The following BAIAP2L2 variants were observed in gnomAD, a reference collection of about 807,000 sequenced individuals.
BAIAP2L2 encodes the protein BAR/IMD domain containing adaptor protein 2 like 2, also known as BAR/IMD domain-containing adapter protein 2-like 2.
A neutral mutation model predicts 60.4 loss-of-function variants in BAIAP2L2; 65 were observed. The observed-to-expected ratio is 1.08, with a 90% CI of 0.88 to 1.32. The LOEUF is 1.32. Among genes scored for constraint, BAIAP2L2 ranks in the 40% most tolerant of loss-of-function variants. The pLI is 0.00. For synonymous variants in BAIAP2L2, 344 were observed against 301.7 expected, an observed-to-expected ratio of 1.14 and a Z score of -1.45; for missense variants, 836 against 741.2, an observed-to-expected ratio of 1.13 and a Z score of -1.48.
rs1255197042 is a variant in BAIAP2L2, at chr22:38,110,582, C to T, written c.-57G>A. ...TGGGAGCTGGTGGCGATGGCACAGC[C>T]GGGAGCAGTGGTAGGTAGTCCCTCA... On this transcript the variant is annotated 5_prime_UTR_variant, in exon 1 of 14. Transcript: ENST00000381669. The T allele has an allele frequency of 2.5e-5, 37 of 1,486,742 alleles. No individual in the cohort carries two copies. The East Asian group carries it at 2.8e-4, about 11-fold the overall frequency. The allele number at this position is 1,486,742 out of a possible 1,614,324, so 92.1% of individuals were successfully genotyped here.
At position 38,089,172 on chromosome 22, in the gene BAIAP2L2, G is replaced by A. The variant is rs1317836600; in HGVS notation, c.825C>T (p.Tyr275=). Residue 275 remains tyrosine (Y), a synonymous_variant, in exon 9 of 14, where the codon TAC becomes TAT. Transcript: ENST00000381669. ...CGGGCCTCGCGTCGGGCTCGGTGCC[G>A]TAGGAGCCGGAGCCGTGCCGGCTGC... ...SPRSRHGSGS[Y]GTEPDARPAS... The A allele has an allele frequency of 4.5e-6, 6 of 1,327,828 alleles. No individual in the cohort carries two copies. The highest frequency in any genetic ancestry group is 2.7e-4 in the Middle Eastern group (1 of 3,750). 82.3% of individuals were successfully genotyped at this position (1,327,828 alleles called of 1,614,324 possible).
chr22:38,104,359 A>G (rs1431231606), intron 4 of BAIAP2L2, among the ~76,000 whole-genome samples: 2 of 152,222 alleles, frequency 1.3e-5, no homozygotes, highest in Non-Finnish European at 2.9e-5. Context: ...CCAGCTGAAC[A>G]TACTAGGAGA....
chr22:38,095,095 G>A (rs1158750668), intron 7 of BAIAP2L2, among the ~76,000 whole-genome samples: 1 of 152,134 alleles, frequency 6.6e-6, no homozygotes, highest in Non-Finnish European at 1.5e-5. Flanking sequence ...AGGTTGCAGG[G>A]AGCTGAGATT....
In BAIAP2L2 at chr22:38,086,455, T is replaced by C; in HGVS notation, c.1260-6A>G. The C allele has an allele frequency of 6.8e-7, 1 of 1,481,420 alleles. No homozygotes were observed. 91.8% of individuals were successfully genotyped at this position (1,481,420 alleles called of 1,614,324 possible). On this transcript the variant is annotated splice_region_variant and splice_polypyrimidine_tract_variant and intron_variant, in intron 11 of 13. Transcript: ENST00000381669. The stretch of plus-strand genomic sequence containing the variant: ...TGCCCCGGAGTGGGTAGGACCTAAG[T>C]CCAGAGAAAGGAGGGGGAAGGAAAG...
chr22:38,089,621 G>T lies in BAIAP2L2; in HGVS notation c.666C>A (p.Ala222=), dbSNP rs2086230707. The change falls in exon 8 of 14, where the codon GCC becomes GCA. Residue 222 remains alanine, a synonymous_variant. Transcript: ENST00000381669. ...RVLLWKEQSE[A]SRSPSRAHSP... ...AGTGGGCGCGCGACGGGCTGCGGCT[G>T]GCCTCAGACTGCTCCTTCCACAGCA... 2 of 1,233,384 alleles carry T rather than the reference G, an allele frequency of 1.6e-6. No homozygotes were observed. Among genetic ancestry groups the T allele is most frequent in the Non-Finnish European group, 2.0e-6 (2 of 989,358 alleles). The allele number at this position is 1,233,384 out of a possible 1,614,324, so 76.4% of individuals were successfully genotyped here.
In BAIAP2L2 at chr22:38,097,019, C is replaced by A. The variant is rs200685751; in HGVS notation, c.612+13G>T. 2.1e-4 allele frequency: 330 copies of A among 1,606,034 alleles called. No homozygotes were observed. The highest frequency in any genetic ancestry group is 1.5e-3 in the Middle Eastern group (9 of 6,048). On this transcript the variant is annotated intron_variant, in intron 7 of 13. Coordinates refer to ENST00000381669, the MANE Select transcript of BAIAP2L2 (RefSeq NM_025045.6). ...TAGAAGCGCCCCGCTTGCTGCCCCC[C>A]AGTCCAACTCACCCGGCCGAAGAAC...
In BAIAP2L2 at chr22:38,088,863, G is replaced by C. The variant is rs769089800; in HGVS notation, c.1003C>G (p.His335Asp). 1 of 1,594,968 alleles carries C rather than the reference G, an allele frequency of 6.3e-7. No individual in the cohort carries two copies. The highest frequency in any genetic ancestry group is 1.1e-5 in the South Asian group (1 of 90,158). Residue 335 changes from histidine to aspartate, a missense_variant, in exon 10 of 14, where the codon CAC becomes GAC. Physicochemically the swap from His to Asp is moderately conservative, Grantham distance 81 (BLOSUM62 -1). Transcript: ENST00000381669. ...AGCGTGTGGTTGGCGCCCTCCGAGT[G>C]GGAGACCAGGGCGCGGACTCTCCTG... ...GARRVRALVSHSEGANHTLLR... is the reference protein window; with the variant it reads ...GARRVRALVSDSEGANHTLLR...
chr22:38,108,216 G>A (rs2086707481), intron 3 of BAIAP2L2, 39 bp downstream of exon 3: 1 of 1,575,106 alleles, frequency 6.3e-7, no homozygotes, highest in South Asian at 1.1e-5. Flanking sequence ...GCAAAAGGAG[G>A]GCCCAAGAAT....
intron 2 of BAIAP2L2, 31 bp downstream of exon 2, chr22:38,109,102 C>T: frequency 6.3e-7 from 1 of 1,582,066 alleles, no homozygotes; most frequent in African/African-American, 1.4e-5. Flanking sequence ...AGGCCCAGGG[C>T]TGGGGCTCGG....
Position 38,097,034 on chromosome 22 carries a change from G to A in BAIAP2L2, c.610C>T (p.Arg204Trp), listed in dbSNP as rs370193273. The A allele has an allele frequency of 3.7e-6, 6 of 1,610,950 alleles. No homozygotes were observed. In the African/African-American group the frequency reaches 6.7e-5, roughly 18 times the overall value. The change falls in exon 7 of 14, where the codon CGG becomes TGG. Residue 204 changes from arginine to tryptophan, a missense_variant and splice_region_variant. By Grantham distance (101) the Arg-to-Trp change is moderately radical (BLOSUM62 -3). Coordinates refer to ENST00000381669, the MANE Select transcript of BAIAP2L2 (RefSeq NM_025045.6). ...LSNTFLQFFG[R>W]ARGMLQNRVL... ...TGCTGCCCCCCAGTCCAACTCACCC[G>A]GCCGAAGAACTGCAGGAAGGTGTTG...
In BAIAP2L2 at chr22:38,107,860, C is replaced by T. The variant is rs745384867; in HGVS notation, c.268G>A (p.Glu90Lys). 2.3e-5 allele frequency: 37 copies of T among 1,613,386 alleles called. No individual in the cohort carries two copies. The South Asian group carries it at 3.8e-4, about 17-fold the overall frequency. The change falls in exon 4 of 14, where the codon GAG (glutamate) becomes AAG (lysine). Residue 90 changes from glutamate (E) to lysine (K), a missense_variant. By Grantham distance (56) the Glu-to-Lys change is moderately conservative (BLOSUM62 1). Coordinates refer to ENST00000381669, the MANE Select transcript of BAIAP2L2 (RefSeq NM_025045.6). ...DTQRHLNSDL[E>K]VVVQTFHGGL... Reference sequence around the variant, plus strand: ...TGGGGCCTGATACTCACCACCACCTCCAGGTCAGAGTTCAAGTGCCGCTGG... The same window carrying T: ...TGGGGCCTGATACTCACCACCACCTTCAGGTCAGAGTTCAAGTGCCGCTGG...
intron 7 of BAIAP2L2, chr22:38,093,787 G>C (rs1422069873): frequency 9.7e-6 from 4 of 410,694 alleles, no homozygotes; most frequent in Non-Finnish European, 2.0e-5. Flanking sequence ...AAACGGTCTG[G>C]AAGTTCCACA....
chr22:38,097,906 C>A (rs1289991218), intron 6 of BAIAP2L2, among the ~76,000 whole-genome samples, 157 bp downstream of exon 6: 3 of 151,986 alleles, frequency 2.0e-5, no homozygotes, highest in Admixed American at 1.3e-4. Flanking sequence ...CCCACCCCAC[C>A]AGGGGCTGGC....
chr22:38,097,272 T>G (rs2086458839), intron 6 of BAIAP2L2, 94 bp from the exon 7 acceptor site: 1 of 1,430,920 alleles, frequency 7.0e-7, no homozygotes, highest in South Asian at 1.3e-5. Context: ...CCCCCTGTTC[T>G]TCCTGACTGC....
chr22:38,090,118 T>TTATTTTTTATTTTTA (rs745436945), intron 7 of BAIAP2L2: 2 of 123,086 alleles, frequency 1.6e-5, no homozygotes, highest in Non-Finnish European at 3.4e-5. Context: ...TTTTTTTTTT[T>TTATTTTTTATTTTTA]TTTTTTTTTT....
rs201660818 is a variant in BAIAP2L2 at position 38,085,305 on chromosome 22, G to A, written c.1585C>T (p.Arg529Cys). ...ITNDRSAPLIR is the reference protein window; with the variant it reads ...ITNDRSAPLIC Reference sequence around the variant, plus strand: ...GTACGACCTCGGACCCCGCCTCAGCGGATGAGGGGTGCTGAGCGGTCATTG... The same window carrying A: ...GTACGACCTCGGACCCCGCCTCAGCAGATGAGGGGTGCTGAGCGGTCATTG... Residue 529 changes from arginine to cysteine, a missense_variant, in exon 14 of 14, where the codon CGC becomes TGC. Physicochemically the swap from Arg to Cys is radical, Grantham distance 180. Coordinates refer to ENST00000381669, the MANE Select transcript of BAIAP2L2 (RefSeq NM_025045.6). 1.3e-4 allele frequency: 204 copies of A among 1,613,834 alleles called. No homozygotes were observed. The highest frequency in any genetic ancestry group is 1.6e-4 in the Non-Finnish European group (185 of 1,179,818).
intron 6 of BAIAP2L2, 54 bp downstream of exon 6, chr22:38,098,009 C>CCCCCCCCCTA: frequency 6.2e-5 from 35 of 565,248 alleles, no homozygotes; most frequent in East Asian, 2.9e-4. Flanking sequence ...GGTCTCGCCC[C>CCCCCCCCCTA]GAGGTCTGCC....
At position 38,087,277 on chromosome 22, in the gene BAIAP2L2, G is replaced by A. The variant is rs2086122763; in HGVS notation, c.1119-13C>T. On this transcript the variant is annotated splice_polypyrimidine_tract_variant and intron_variant, in intron 10 of 13. Coordinates refer to ENST00000381669, the MANE Select transcript of BAIAP2L2 (RefSeq NM_025045.6). ...GAACCAACCGCTCCTGTGGGGTAGA[G>A]GCAGAGGACAATGACCAAAAGAAGC... 1.3e-6 allele frequency: 2 copies of A among 1,595,032 alleles called. No individual in the cohort carries two copies. Among genetic ancestry groups the A allele is most frequent in the Admixed American group, 1.8e-5 (1 of 56,102 alleles).
intron 13 of BAIAP2L2, 31 bp from the exon 14 acceptor site, chr22:38,085,406 A>AG: frequency 6.2e-7 from 1 of 1,600,856 alleles, no homozygotes; most frequent in Non-Finnish European, 8.6e-7. Context: ...TGGGGTGAGA[A>AG]GGGCAGATGA....
Sources: gnomAD v4.1 joint callset for allele counts (sites outside exome capture counted in the v4.1 genomes callset) on GRCh38, gnomAD v4.1.1 for gene constraint, MANE v1.5 for transcripts, NCBI Gene and HGNC (gene_info 2026-07-23, HGNC 2026-07-21) for gene names.